Variants in KLF3 observed in about 807,000 individuals in gnomAD.
KLF3 encodes the protein Krueppel-like factor 3.
In KLF3, 6 loss-of-function variants were observed where a neutral mutation model predicts 32.7. That is an observed-to-expected ratio of 0.18 (90% CI 0.10 to 0.36). KLF3 has a LOEUF of 0.36. Ranked by LOEUF, KLF3 falls within the 10% of genes least tolerant of loss-of-function variation. The probability of loss-of-function intolerance (pLI) is 1.00; values close to 1 mark genes in which losing one functional copy is unlikely to be tolerated. For synonymous variants in KLF3, 145 were observed against 172.8 expected, an observed-to-expected ratio of 0.84 and a Z score of 1.26; for missense variants, 338 against 449.7, an observed-to-expected ratio of 0.75 and a Z score of 2.25.
At chr4:38,695,802 A>T (rs192031181) in intron 5 of KLF3, among the ~76,000 whole-genome samples, 69 of 152,272 alleles carry the variant, frequency 4.5e-4, no homozygotes, top group African/African-American at 1.4e-3. Flanking sequence ...AAACTCTTTG[A>T]TGTGGAATTC....
At position 38,674,332 on chromosome 4, in the gene KLF3, AAG is replaced by A. The variant is rs1265115488; in HGVS notation, c.-39-6249_-39-6248del. 1.3e-5 allele frequency among the ~76,000 whole-genome samples: 2 copies of A among 152,164 alleles called. No individual in the cohort carries two copies. The highest frequency in any genetic ancestry group is 2.9e-5 in the Non-Finnish European group (2 of 68,028). ...TTTGAAGAATTTGGGTAAAGAAACG[AAG>A]AGAGAAAAGTTTCTCTGGAAAGGAA... On this transcript the variant is annotated intron_variant, in intron 1 of 5. Coordinates refer to ENST00000261438, the MANE Select transcript of KLF3 (RefSeq NM_016531.6). This position sits in a 1 kb window ranked among gnomAD's most constrained non-coding sequence, Gnocchi z 4.1.
intron 1 of KLF3, among the ~76,000 whole-genome samples, chr4:38,669,620 C>T (rs1026762213): frequency 4.6e-5 from 7 of 151,974 alleles, no homozygotes; most frequent in African/African-American, 1.5e-4. Flanking sequence ...CGGCCGGGCG[C>T]GGTGGCTCAC....
intron 5 of KLF3, among the ~76,000 whole-genome samples, chr4:38,695,773 G>C (rs553882337): frequency 8.5e-5 from 13 of 152,260 alleles, no homozygotes; most frequent in Admixed American, 7.8e-4. Context: ...TGTATGTACA[G>C]TAAGGCTCAT....
In KLF3 at chr4:38,697,295, C is replaced by G. The variant is rs757834451; in HGVS notation, c.*32C>G. On this transcript the variant is annotated 3_prime_UTR_variant, in exon 6 of 6. Transcript: ENST00000261438. ...CTGTGTCCTGCCTCAGCGTGACTCC[C>G]CACTCACCTGGCTCTCTCTCTGTCC... is the stretch of plus-strand genomic sequence containing the variant. 3.9e-6 allele frequency: 6 copies of G among 1,554,662 alleles called. No homozygotes were observed. In the Admixed American group the frequency reaches 1.1e-4, roughly 30 times the overall value.
intron 1 of KLF3, among the ~76,000 whole-genome samples, chr4:38,676,834 C>A (rs532793206): frequency 6.6e-6 from 1 of 151,932 alleles, no homozygotes; most frequent in Admixed American, 6.6e-5. Flanking sequence ...TTAAATACTT[C>A]TGTAATGAGA....
intron 1 of KLF3, among the ~76,000 whole-genome samples, chr4:38,665,438 A>G (rs557939741): frequency 1.8e-4 from 28 of 152,338 alleles, no homozygotes; most frequent in East Asian, 1.4e-3. Context: ...GCTACTGACA[A>G]GGAGAAGCAC....
chr4:38,694,689 T>C, intron 4 of KLF3, 57 bp from the exon 5 acceptor site: 1 of 1,432,500 alleles, frequency 7.0e-7, no homozygotes, highest in Non-Finnish European at 9.3e-7. Flanking sequence ...TTTAGTAGAC[T>C]GATGAAAAAG....
chr4:38,666,090 T>C (rs929710669), intron 1 of KLF3, among the ~76,000 whole-genome samples: 1 of 152,218 alleles, frequency 6.6e-6, no homozygotes, highest in Non-Finnish European at 1.5e-5. Flanking sequence ...CTGCAGTCAG[T>C]GGGCTTTGCT....
intron 5 of KLF3, among the ~76,000 whole-genome samples, chr4:38,696,167 G>T (rs1288244229): frequency 4.4e-5 from 6 of 136,196 alleles, no homozygotes; most frequent in Non-Finnish European, 9.4e-5. Flanking sequence ...TGAATATTTG[G>T]GTGACAGTTT....
chr4:38,677,664 A>G (rs1722393211), intron 1 of KLF3, among the ~76,000 whole-genome samples: 1 of 152,206 alleles, frequency 6.6e-6, no homozygotes, highest in African/African-American at 2.4e-5. Flanking sequence ...ATGAGACCTC[A>G]TACAGGATGT....
intron 4 of KLF3, among the ~76,000 whole-genome samples, chr4:38,694,470 C>T (rs1294490611): frequency 6.6e-6 from 1 of 152,158 alleles, no homozygotes; most frequent in African/African-American, 2.4e-5. Context: ...CTGTCTCCCC[C>T]TAGAGTGTGA....
rs1723148164 is a variant in KLF3 at position 38,699,690 on chromosome 4, T to A, written c.*2427T>A. On this transcript the variant is annotated 3_prime_UTR_variant, in exon 6 of 6. Transcript: ENST00000261438. ...ACATTACTGTTCAGCTTGCTTAGATTGTGTTAACAGTTCATTTAACAAAGA... is the reference window on the plus strand; with the variant it reads ...ACATTACTGTTCAGCTTGCTTAGATAGTGTTAACAGTTCATTTAACAAAGA... The A allele has an allele frequency of 6.6e-6, 1 of 152,232 alleles. No individual in the cohort carries two copies. The highest frequency in any genetic ancestry group is 6.5e-5 in the Admixed American group (1 of 15,284). The allele number at this position is 152,232 out of a possible 1,614,324, so 9.4% of individuals were successfully genotyped here.
intron 5 of KLF3, among the ~76,000 whole-genome samples, chr4:38,696,198 A>AC (rs542479325): frequency 0.01 from 1,544 of 151,730 alleles, 9 homozygotes; most frequent in Middle Eastern, 0.024. Flanking sequence ...AAAAAAAAAA[A>AC]AAAAAAAAAA....
Position 38,689,877 on chromosome 4 carries a change from A to C in KLF3, c.693A>C (p.Gln231His). 1 of 1,336,826 alleles carries C rather than the reference A, an allele frequency of 7.5e-7. No individual in the cohort carries two copies. Among genetic ancestry groups the C allele is most frequent in the Non-Finnish European group, 1.0e-6 (1 of 1,004,782 alleles). The allele number at this position is 1,336,826 out of a possible 1,614,324, so 82.8% of individuals were successfully genotyped here. A position where few individuals can be genotyped will look rare whatever the true frequency, so the allele number is the denominator to read the frequency against. ...NSVSPPQALL[Q>H]ENHPSVIVQP... is the part of the protein sequence containing the mutation. Reference sequence around the variant, plus strand: ...TGTCCCCCCCGCAAGCATTGTTGCAAGAGTAAGTATATTTAGGTCTACCCA... The same window carrying C: ...TGTCCCCCCCGCAAGCATTGTTGCACGAGTAAGTATATTTAGGTCTACCCA... The change falls in exon 4 of 6, where the codon CAA (glutamine) becomes CAC (histidine). Residue 231 changes from glutamine to histidine, a missense_variant and splice_region_variant. By Grantham distance (24) the Gln-to-His change is conservative. Coordinates refer to ENST00000261438, the MANE Select transcript of KLF3 (RefSeq NM_016531.6).
chr4:38,669,543 A>G (rs1722137453), intron 1 of KLF3, among the ~76,000 whole-genome samples: 2 of 152,140 alleles, frequency 1.3e-5, no homozygotes, highest in South Asian at 2.1e-4. Context: ...GAAGAGGCAC[A>G]ATGCTGTTGA....
chr4:38,674,731 G>A lies in KLF3; in HGVS notation c.-39-5856G>A, dbSNP rs930432713. Among the ~76,000 whole-genome samples the A allele has an allele frequency of 6.6e-6, 1 of 151,994 alleles. No individual in the cohort carries two copies. Among genetic ancestry groups the A allele is most frequent in the Admixed American group, 6.6e-5 (1 of 15,248 alleles). On this transcript the variant is annotated intron_variant, in intron 1 of 5. Coordinates refer to ENST00000261438, the MANE Select transcript of KLF3 (RefSeq NM_016531.6). The surrounding 1 kb of genome is among the most constrained non-coding windows in gnomAD (Gnocchi z 4.1). ...AGGGCATGGAGAAAGGAAGAAATAGGGAGATGAGAAGGGAGAACGTCAGAG... is the reference window on the plus strand; with the variant it reads ...AGGGCATGGAGAAAGGAAGAAATAGAGAGATGAGAAGGGAGAACGTCAGAG...
chr4:38,689,966 T>G, intron 4 of KLF3, 87 bp downstream of exon 4: 1 of 1,373,680 alleles, frequency 7.3e-7, no homozygotes, highest in Non-Finnish European at 1.0e-6. Context: ...ACACGTGTGA[T>G]GTGGTGTGGA....
intron 2 of KLF3, among the ~76,000 whole-genome samples, chr4:38,683,703 T>C (rs1430784082): frequency 6.6e-6 from 1 of 151,860 alleles, no homozygotes; most frequent in African/African-American, 2.4e-5. Context: ...AGGAAACAAA[T>C]TGTAAAAAAA....
At chr4:38,687,511 T>C (rs920133840) in intron 2 of KLF3, among the ~76,000 whole-genome samples, 3 of 152,148 alleles carry the variant, frequency 2.0e-5, no homozygotes, top group African/African-American at 4.8e-5. Context: ...GAGAGAAAGG[T>C]GTTTGAAGAT....
Sources: gnomAD v4.1 joint callset for allele counts (sites outside exome capture counted in the v4.1 genomes callset) on GRCh38, gnomAD v4.1.1 for gene constraint, Gnocchi (gnomAD v3.1) non-coding constraint, MANE v1.5 for transcripts, NCBI Gene and HGNC (gene_info 2026-07-23, HGNC 2026-07-21) for gene names.